Variants in DLGAP2 observed in about 807,000 individuals in gnomAD.
The protein encoded by DLGAP2 is DLG associated protein 2.
DLGAP2 carries 26 observed loss-of-function variants against 100.3 expected under a neutral mutation model. The observed-to-expected ratio is 0.26, with a 90% CI of 0.19 to 0.36. The LOEUF (loss-of-function observed/expected upper bound fraction) is 0.36, where lower values mean the gene tolerates loss of function less well. Ranked by LOEUF, DLGAP2 falls within the 10% of genes least tolerant of loss-of-function variation. The pLI is 1.00. For synonymous variants in DLGAP2, 886 were observed against 630.1 expected (o/e 1.41, Z -6.08); for missense variants, 1,858 against 1,453.2 (o/e 1.28, Z -4.53).
chr8:1,130,169 T>C (rs900733385), intron 2 of DLGAP2, among the ~76,000 whole-genome samples: 2 of 152,106 alleles, frequency 1.3e-5, no homozygotes, highest in African/African-American at 4.8e-5. Flanking sequence ...TGGTGTCCGA[T>C]GCAGAGGGAC....
intron 1 of DLGAP2, among the ~76,000 whole-genome samples, chr8:817,047 C>T (rs956700107): frequency 2.0e-5 from 3 of 150,992 alleles, no homozygotes; most frequent in Non-Finnish European, 2.9e-5. Flanking sequence ...AGGCTGAGGC[C>T]GGAGAAAGGT....
rs866200498 is a variant in DLGAP2 at position 1,619,007 on chromosome 8, G to T, written c.1443-7733G>T. 7.2e-5 allele frequency among the ~76,000 whole-genome samples: 11 copies of T among 152,170 alleles called. 1 individual carries two copies. The highest frequency in any genetic ancestry group is 2.9e-5 in the Non-Finnish European group (2 of 68,040). On this transcript the variant is annotated intron_variant, in intron 6 of 14. Transcript: ENST00000637795. ...CAAAATAGATCCGTGTGACAGAATA[G>T]AGACTCCAGCCGTCAAAATCTTTAA...
intron 2 of DLGAP2, among the ~76,000 whole-genome samples, chr8:936,089 G>T (rs1489223363): frequency 2.6e-5 from 4 of 152,116 alleles, no homozygotes; most frequent in Non-Finnish European, 5.9e-5. Context: ...GGGTTGAGCT[G>T]CCGGTGTGTT....
At chr8:897,036 C>T (rs1015573676) in intron 1 of DLGAP2, among the ~76,000 whole-genome samples, 9 of 152,080 alleles carry the variant, frequency 5.9e-5, no homozygotes, top group Admixed American at 5.2e-4. Context: ...GAGTCAGTGG[C>T]GCAAGGGAGA....
intron 3 of DLGAP2, among the ~76,000 whole-genome samples, chr8:1,269,218 C>T (rs1384463759): frequency 1.3e-5 from 2 of 152,194 alleles, no homozygotes; most frequent in South Asian, 2.1e-4. Flanking sequence ...GATTTTCCTG[C>T]CTGCATTTCA....
intron 3 of DLGAP2, among the ~76,000 whole-genome samples, chr8:1,434,676 A>C (rs933129463): frequency 2.6e-5 from 4 of 152,054 alleles, no homozygotes; most frequent in Admixed American, 1.3e-4. Context: ...GGGTGTCACT[A>C]TGTTGCCCTG....
intron 2 of DLGAP2, among the ~76,000 whole-genome samples, chr8:1,139,237 C>G (rs1425694013): frequency 6.6e-6 from 1 of 152,210 alleles, no homozygotes; most frequent in East Asian, 1.9e-4. Context: ...AATGGCTGCC[C>G]CTCGTTGCCC....
chr8:1,443,996 G>T (rs1430117177), intron 3 of DLGAP2, among the ~76,000 whole-genome samples: 2 of 152,196 alleles, frequency 1.3e-5, no homozygotes, highest in Non-Finnish European at 2.9e-5. Context: ...TCAGAAGCAT[G>T]CCAATTATGA....
chr8:1,237,391 CGCCGTGTCTAGTTACCTATCACATGGT>C, intron 2 of DLGAP2, among the ~76,000 whole-genome samples: 1 of 91,944 alleles, frequency 1.1e-5, no homozygotes, highest in East Asian at 3.4e-4. Flanking sequence ...TCTCACATGG[CGCCGTGTCTAGTTACCTATCACATGGT>C]GCCGTGTCTA....
At chr8:1,209,209 A>G (rs1235768722) in intron 2 of DLGAP2, among the ~76,000 whole-genome samples, 1 of 152,226 alleles carries the variant, frequency 6.6e-6, no homozygotes, top group Non-Finnish European at 1.5e-5. Context: ...GACTAAGCAA[A>G]AAGAACGAAT....
At chr8:986,523 G>A (rs1319068790) in intron 2 of DLGAP2, among the ~76,000 whole-genome samples, 2 of 151,998 alleles carry the variant, frequency 1.3e-5, no homozygotes, top group Non-Finnish European at 2.9e-5. Context: ...AAAAATTACA[G>A]CTAAAACAAA....
At chr8:1,616,323 C>T (rs577228882) in intron 6 of DLGAP2, among the ~76,000 whole-genome samples, 107 of 152,124 alleles carry the variant, frequency 7.0e-4, no homozygotes, top group African/African-American at 2.5e-3. Flanking sequence ...GAGAATTTGG[C>T]AGAAGGTTTT....
At chr8:1,637,999 C>T (rs189445810) in intron 8 of DLGAP2, among the ~76,000 whole-genome samples, 5 of 152,284 alleles carry the variant, frequency 3.3e-5, no homozygotes, top group Admixed American at 6.5e-5. Context: ...TCCCGAAAAC[C>T]GCTGGGCACC....
intron 6 of DLGAP2, among the ~76,000 whole-genome samples, chr8:1,623,197 G>C (rs561578394): frequency 6.6e-6 from 1 of 152,346 alleles, no homozygotes; most frequent in South Asian, 2.1e-4. Flanking sequence ...TCAGCATCTT[G>C]AGTGCTTAAA....
chr8:1,507,091 C>A (rs903142105), intron 4 of DLGAP2, among the ~76,000 whole-genome samples: 10 of 152,264 alleles, frequency 6.6e-5, no homozygotes, highest in Admixed American at 2.0e-4. Flanking sequence ...GACTCAGGAG[C>A]CCAGCTGGCT....
chr8:1,305,974 G>T (rs1365517569), intron 3 of DLGAP2, among the ~76,000 whole-genome samples: 2 of 150,252 alleles, frequency 1.3e-5, no homozygotes, highest in East Asian at 4.0e-4. Context: ...ATTTTTGCAT[G>T]TAATTTTATA....
At chr8:1,234,904 C>T (rs972368650) in intron 2 of DLGAP2, among the ~76,000 whole-genome samples, 4 of 152,300 alleles carry the variant, frequency 2.6e-5, no homozygotes, top group Admixed American at 6.5e-5. Context: ...TCTCACGTGG[C>T]GCCATATCTA....
intron 3 of DLGAP2, among the ~76,000 whole-genome samples, chr8:1,312,139 A>C (rs1193681664): frequency 6.6e-6 from 1 of 152,230 alleles, no homozygotes; most frequent in Non-Finnish European, 1.5e-5. Flanking sequence ...TCGCCAAGAT[A>C]GGCCACATTC....
intron 3 of DLGAP2, among the ~76,000 whole-genome samples, chr8:1,496,073 G>A (rs13279729): frequency 0.54 from 82,513 of 152,024 alleles, 23,252 homozygotes; most frequent in Admixed American, 0.66. Flanking sequence ...AATGTAAAAC[G>A]CCCACTGGCT....
Sources: allele counts gnomAD v4.1 joint callset (sites outside exome capture counted in the v4.1 genomes callset), GRCh38; gene constraint gnomAD v4.1.1; transcripts MANE v1.5; gene names NCBI Gene and HGNC (gene_info 2026-07-23, HGNC 2026-07-21).